GPC6: variants seen among roughly 807,000 people sequenced by gnomAD.
GPC6 encodes the protein glypican-6.
GPC6 carries 14 observed loss-of-function variants against 55.2 expected under a neutral mutation model. The ratio of observed to expected loss-of-function variants is 0.25; its 90% CI spans 0.17 to 0.40. The LOEUF (loss-of-function observed/expected upper bound fraction) is 0.40, where lower values mean the gene tolerates loss of function less well. GPC6 is among the 10% of genes least tolerant of loss of function. The pLI is 1.00. For missense variants in GPC6, 641 were observed against 708.5 expected (o/e 0.90, Z 1.08); for synonymous variants, 278 against 259.6 (o/e 1.07, Z -0.68).
chr13:93,778,537 A>G (rs755551826), intron 2 of GPC6, among the ~76,000 whole-genome samples: 3 of 152,200 alleles, frequency 2.0e-5, no homozygotes, highest in Non-Finnish European at 4.4e-5. Flanking sequence ...CTCAGAGACT[A>G]CTTTTGAGGT....
intron 1 of GPC6, among the ~76,000 whole-genome samples, chr13:93,299,066 C>T (rs1248629945): frequency 6.6e-6 from 1 of 152,118 alleles, no homozygotes; most frequent in Non-Finnish European, 1.5e-5. Context: ...AATACATGAT[C>T]TCATGGGGTC....
intron 2 of GPC6, among the ~76,000 whole-genome samples, chr13:93,760,016 C>A (rs1212352149): frequency 2.9e-5 from 1 of 35,008 alleles, no homozygotes; most frequent in African/African-American, 1.5e-4. Context: ...GAAAAAAATG[C>A]TGAGAAAACA....
At chr13:93,766,038 A>C (rs894813946) in intron 2 of GPC6, among the ~76,000 whole-genome samples, 3 of 152,196 alleles carry the variant, frequency 2.0e-5, no homozygotes, top group African/African-American at 7.2e-5. Context: ...GACCTCACTC[A>C]AGTCATACCA....
intron 3 of GPC6, among the ~76,000 whole-genome samples, chr13:93,845,809 A>T (rs1433022123): frequency 2.2e-5 from 3 of 137,580 alleles, no homozygotes; most frequent in African/African-American, 8.2e-5. Context: ...CATGAAGGGG[A>T]ATACCACACT....
chr13:93,588,353 A>G (rs2139502586), intron 2 of GPC6, among the ~76,000 whole-genome samples: 1 of 151,696 alleles, frequency 6.6e-6, no homozygotes, highest in African/African-American at 2.4e-5. Flanking sequence ...CTTTTAAAAC[A>G]AGAGTGGCTA....
intron 3 of GPC6, among the ~76,000 whole-genome samples, chr13:93,923,746 G>A (rs1335522079): frequency 6.6e-6 from 1 of 152,196 alleles, no homozygotes; most frequent in Non-Finnish European, 1.5e-5. Flanking sequence ...TGGCAGCTGT[G>A]CTAGTCTGGA....
chr13:93,995,304 C>T (rs1021388645), intron 3 of GPC6, among the ~76,000 whole-genome samples: 1 of 152,050 alleles, frequency 6.6e-6, no homozygotes, highest in Admixed American at 6.6e-5. Flanking sequence ...TCTCCTGGCA[C>T]AGCCTCCCAA....
intron 1 of GPC6, among the ~76,000 whole-genome samples, chr13:93,514,542 C>G (rs933001957): frequency 1.3e-5 from 2 of 152,176 alleles, no homozygotes; most frequent in Admixed American, 6.5e-5. Context: ...CTTTTCAGAG[C>G]ATCTCACATC....
intron 1 of GPC6, among the ~76,000 whole-genome samples, chr13:93,292,980 G>A (rs145253074): frequency 6.6e-6 from 1 of 152,128 alleles, no homozygotes; most frequent in Non-Finnish European, 1.5e-5. Flanking sequence ...CCAGGTAGAA[G>A]TTCCTTTTTT....
At chr13:94,357,019 G>A (rs1235886531) in intron 6 of GPC6, among the ~76,000 whole-genome samples, 1 of 152,170 alleles carries the variant, frequency 6.6e-6, no homozygotes, top group Admixed American at 6.5e-5. Context: ...TCTGTCCCCT[G>A]TCATCAATCT....
intron 2 of GPC6, among the ~76,000 whole-genome samples, chr13:93,598,071 G>A (rs1291856242): frequency 6.6e-6 from 1 of 152,162 alleles, no homozygotes. Context: ...TTGAACCCGG[G>A]AGGCAGAGGT....
intron 4 of GPC6, among the ~76,000 whole-genome samples, chr13:94,079,084 G>A (rs1594719043): frequency 6.6e-6 from 1 of 151,970 alleles, no homozygotes; most frequent in South Asian, 2.1e-4. Context: ...ATAAAAAACA[G>A]TACAGTATAA....
chr13:94,068,859 C>T (rs1194453823), intron 4 of GPC6, among the ~76,000 whole-genome samples: 2 of 152,170 alleles, frequency 1.3e-5, no homozygotes, highest in African/African-American at 4.8e-5. Context: ...CAGGGTACGG[C>T]CTCCCTCCTG....
intron 2 of GPC6, among the ~76,000 whole-genome samples, chr13:93,667,598 A>G (rs1056215064): frequency 3.9e-5 from 6 of 152,032 alleles, no homozygotes; most frequent in African/African-American, 1.4e-4. Flanking sequence ...ATGCCAGGCT[A>G]ATTTTTGTAT....
chr13:94,060,015 C>G (rs1479096396), intron 4 of GPC6, among the ~76,000 whole-genome samples: 1 of 152,112 alleles, frequency 6.6e-6, no homozygotes, highest in Non-Finnish European at 1.5e-5. Context: ...TCTCTGACCA[C>G]CTCTTCTCAA....
intron 4 of GPC6, among the ~76,000 whole-genome samples, chr13:94,204,573 G>T (rs1889847963): frequency 6.6e-6 from 1 of 151,894 alleles, no homozygotes; most frequent in African/African-American, 2.4e-5. Context: ...TTCTTTTATG[G>T]CTCTGTGAAA....
intron 2 of GPC6, among the ~76,000 whole-genome samples, chr13:93,786,774 G>A (rs905394263): frequency 2.7e-5 from 4 of 149,576 alleles, no homozygotes; most frequent in Non-Finnish European, 5.9e-5. Context: ...ATATATATAT[G>A]CAGAAGAAGA....
chr13:93,311,837 C>T (rs1879077541), intron 1 of GPC6, among the ~76,000 whole-genome samples: 1 of 152,124 alleles, frequency 6.6e-6, no homozygotes, highest in African/African-American at 2.4e-5. Context: ...CATTAAAGTA[C>T]GTGTTCTTCC....
chr13:93,810,634 A>G (rs1335061107), intron 2 of GPC6, among the ~76,000 whole-genome samples: 1 of 152,204 alleles, frequency 6.6e-6, no homozygotes, highest in Admixed American at 6.5e-5. Flanking sequence ...GGCATTAAAG[A>G]ATTCTGATAG....
Sources: allele counts gnomAD v4.1 joint callset (sites outside exome capture counted in the v4.1 genomes callset), GRCh38; gene constraint gnomAD v4.1.1; transcripts MANE v1.5; gene names NCBI Gene and HGNC (gene_info 2026-07-23, HGNC 2026-07-21).